Variants in COG5 observed in about 807,000 individuals in gnomAD.
COG5 encodes the protein conserved oligomeric Golgi complex subunit 5.
Under a neutral mutation model 110.4 loss-of-function variants are expected in COG5, and 86 were observed. The ratio of observed to expected loss-of-function variants is 0.78; its 90% CI spans 0.65 to 0.93. The LOEUF (loss-of-function observed/expected upper bound fraction) is 0.93. COG5 is among the 40% of genes least tolerant of loss of function. The pLI is 0.00. For missense variants in COG5, 1,077 were observed against 987.0 expected, an observed-to-expected ratio of 1.09 and a Z score of -1.22; for synonymous variants, 360 against 334.6, an observed-to-expected ratio of 1.08 and a Z score of -0.83.
chr7:107,209,380 G>T (rs1253307013), intron 21 of COG5: 2 of 272,112 alleles, frequency 7.3e-6, no homozygotes, highest in African/African-American at 4.6e-5. Context: ...TGAGAGAAAA[G>T]ATTAGAATTA....
intron 6 of COG5, among the ~76,000 whole-genome samples, chr7:107,508,329 G>C (rs1799196274): frequency 6.6e-6 from 1 of 152,218 alleles, no homozygotes; most frequent in Non-Finnish European, 1.5e-5. Context: ...GCAAGGCTGG[G>C]GGAGGGGCGC....
intron 14 of COG5, among the ~76,000 whole-genome samples, chr7:107,270,463 G>C (rs1435909063): frequency 1.3e-5 from 2 of 151,976 alleles, no homozygotes; most frequent in African/African-American, 4.8e-5. Context: ...GGTTTCGCAT[G>C]TTGCCCAAGC....
rs1468428731 is a variant in COG5 at position 107,557,907 on chromosome 7, A to G, written c.234+69T>C. 10 of 1,535,120 alleles carry G rather than the reference A, an allele frequency of 6.5e-6. No homozygotes were observed. The African/African-American group carries it at 1.2e-4, about 19-fold the overall frequency. On this transcript the variant is annotated intron_variant, in intron 2 of 21. Coordinates refer to ENST00000297135, the MANE Select transcript of COG5 (RefSeq NM_006348.5). ...TGTAAATATGCATTTGTATTTAATAAGATTACAAAAATGCTAAATTATCAC... is the reference window on the plus strand; with the variant it reads ...TGTAAATATGCATTTGTATTTAATAGGATTACAAAAATGCTAAATTATCAC...
chr7:107,240,134 C>G (rs1480511496), intron 17 of COG5, among the ~76,000 whole-genome samples: 1 of 152,102 alleles, frequency 6.6e-6, no homozygotes, highest in Non-Finnish European at 1.5e-5. Flanking sequence ...TAATTTTTGT[C>G]TAATTTGGAA....
chr7:107,312,707 A>G (rs1261095901), intron 11 of COG5, among the ~76,000 whole-genome samples: 1 of 152,180 alleles, frequency 6.6e-6, no homozygotes. Flanking sequence ...ATAGGAAGGG[A>G]CCAGAAGAGT....
chr7:107,529,764 C>G (rs1448203804), intron 5 of COG5, among the ~76,000 whole-genome samples: 1 of 152,190 alleles, frequency 6.6e-6, no homozygotes, highest in Non-Finnish European at 1.5e-5. Flanking sequence ...AAATAAACTT[C>G]CACTCCTGCT....
chr7:107,445,014 C>T (rs1303543641), intron 6 of COG5, among the ~76,000 whole-genome samples: 1 of 151,982 alleles, frequency 6.6e-6, no homozygotes, highest in Non-Finnish European at 1.5e-5. Flanking sequence ...ATAGCAAAAC[C>T]CTGTCTCTAC....
chr7:107,494,677 C>A (rs1798163816), intron 6 of COG5, among the ~76,000 whole-genome samples: 1 of 152,174 alleles, frequency 6.6e-6, no homozygotes, highest in Admixed American at 6.6e-5. Context: ...TTTCTCAGAA[C>A]ATATCCCCAT....
At chr7:107,462,999 T>A (rs144169914) in intron 6 of COG5, among the ~76,000 whole-genome samples, 145 of 152,322 alleles carry the variant, frequency 9.5e-4, no homozygotes, top group African/African-American at 3.3e-3. Context: ...TGGTCAAAGC[T>A]ATAAGAATGG....
chr7:107,467,871 C>G (rs1474262983), intron 6 of COG5, among the ~76,000 whole-genome samples: 1 of 152,110 alleles, frequency 6.6e-6, no homozygotes, highest in African/African-American at 2.4e-5. Flanking sequence ...TCCTTGGAGA[C>G]AAGTTACTCA....
rs935094223 is a variant in COG5 at position 107,536,392 on chromosome 7, T to C, written c.418-9035A>G. Among the ~76,000 whole-genome samples, 4 of 152,304 alleles carry C rather than the reference T, an allele frequency of 2.6e-5. No homozygotes were observed. The South Asian group carries it at 8.3e-4, about 32-fold the overall frequency. On this transcript the variant is annotated intron_variant, in intron 5 of 21. Coordinates refer to ENST00000297135, the MANE Select transcript of COG5 (RefSeq NM_006348.5). ...AACTCCATCGTCTCAGCCCAAAAAC[T>C]CCTTAAGCTGATAAGCAACTTCAGT...
intron 6 of COG5, among the ~76,000 whole-genome samples, chr7:107,504,991 G>GTTA (rs1798886425): frequency 6.6e-6 from 1 of 152,050 alleles, no homozygotes; most frequent in African/African-American, 2.4e-5. Flanking sequence ...GAGTTCCTTG[G>GTTA]TTATTAAGAG....
chr7:107,462,505 G>A (rs1796057456), intron 6 of COG5, among the ~76,000 whole-genome samples: 1 of 151,818 alleles, frequency 6.6e-6, no homozygotes, highest in African/African-American at 2.4e-5. Flanking sequence ...TAATATGGGG[G>A]GTAAGGGGTC....
At chr7:107,522,222 A>C (rs1800378844) in intron 6 of COG5, among the ~76,000 whole-genome samples, 1 of 152,192 alleles carries the variant, frequency 6.6e-6, no homozygotes. Flanking sequence ...TAATCCCAGC[A>C]CTTTGGGAGG....
At chr7:107,309,689 T>A (rs1435225697) in intron 11 of COG5, among the ~76,000 whole-genome samples, 3 of 151,998 alleles carry the variant, frequency 2.0e-5, no homozygotes, top group Admixed American at 2.0e-4. Context: ...AATGAAAGAG[T>A]TGGCTTTGTG....
At chr7:107,301,354 A>G (rs1468441447) in intron 11 of COG5, among the ~76,000 whole-genome samples, 1 of 152,206 alleles carries the variant, frequency 6.6e-6, no homozygotes, top group African/African-American at 2.4e-5. Context: ...TTTCACATAT[A>G]TCTGATGAAG....
chr7:107,512,750 A>G (rs1487129755), intron 6 of COG5, among the ~76,000 whole-genome samples: 1 of 152,192 alleles, frequency 6.6e-6, no homozygotes, highest in Non-Finnish European at 1.5e-5. Flanking sequence ...CCGCATATCT[A>G]CAACCATCTG....
intron 6 of COG5, among the ~76,000 whole-genome samples, chr7:107,452,735 T>C (rs908333487): frequency 2.6e-5 from 4 of 152,168 alleles, no homozygotes; most frequent in Non-Finnish European, 5.9e-5. Flanking sequence ...CGGGTATGTC[T>C]TTATCAACAG....
chr7:107,477,928 T>C (rs561317892), intron 6 of COG5, among the ~76,000 whole-genome samples: 2 of 152,038 alleles, frequency 1.3e-5, no homozygotes, highest in African/African-American at 4.8e-5. Context: ...CAAAAAAGCA[T>C]TAAGGCTAAT....
Sources: allele counts gnomAD v4.1 joint callset (sites outside exome capture counted in the v4.1 genomes callset), GRCh38; gene constraint gnomAD v4.1.1; transcripts MANE v1.5; gene names NCBI Gene and HGNC (gene_info 2026-07-23, HGNC 2026-07-21).